Variants in PARD3B observed in about 807,000 individuals in gnomAD.
PARD3B encodes the protein partitioning defective 3 homolog B.
Under a neutral mutation model 130.2 loss-of-function variants are expected in PARD3B, and 103 were observed. The ratio of observed to expected loss-of-function variants is 0.79; its 90% CI spans 0.67 to 0.93. The LOEUF is 0.93. PARD3B is among the 40% of genes least tolerant of loss of function. PARD3B has a pLI of 0.00. For missense variants in PARD3B, 1,609 were observed against 1,499.2 expected, an observed-to-expected ratio of 1.07 and a Z score of -1.21; for synonymous variants, 583 against 553.2, an observed-to-expected ratio of 1.05 and a Z score of -0.76.
At chr2:205,381,201 TA>T (rs1559036154) in intron 18 of PARD3B, among the ~76,000 whole-genome samples, 2 of 120,682 alleles carry the variant, frequency 1.7e-5, no homozygotes, top group African/African-American at 7.2e-5. Flanking sequence ...ATATTATATA[TA>T]ATATATAAAG....
At position 204,907,645 on chromosome 2, in the gene PARD3B, G is replaced by A. The variant is rs1488796591; in HGVS notation, c.223-57507G>A. On this transcript the variant is annotated intron_variant, in intron 2 of 22. Coordinates refer to ENST00000406610, the MANE Select transcript of PARD3B (RefSeq NM_001302769.2). This position sits in a 1 kb window ranked among gnomAD's most constrained non-coding sequence, Gnocchi z 5.7. ...TTGTGTCTCTTTATAGATATTATAAGACTTTCTTGACATGTTACTTCATGG... is the reference window on the plus strand; with the variant it reads ...TTGTGTCTCTTTATAGATATTATAAAACTTTCTTGACATGTTACTTCATGG... Among the ~76,000 whole-genome samples, 2 of 152,062 alleles carry A rather than the reference G, an allele frequency of 1.3e-5. No homozygotes were observed. The highest frequency in any genetic ancestry group is 2.9e-5 in the Non-Finnish European group (2 of 68,000).
chr2:204,691,002 A>G (rs11891335), intron 2 of PARD3B, among the ~76,000 whole-genome samples: 5,740 of 152,166 alleles, frequency 0.038, 380 homozygotes, highest in African/African-American at 0.13. Context: ...TATCGTCTAT[A>G]GTGTAGAAAT....
chr2:205,368,705 C>T (rs1002946707), intron 18 of PARD3B, among the ~76,000 whole-genome samples: 4 of 152,116 alleles, frequency 2.6e-5, no homozygotes, highest in South Asian at 2.1e-4. Context: ...ACAAAACTAA[C>T]GTTATCATTG....
intron 3 of PARD3B, among the ~76,000 whole-genome samples, chr2:205,039,394 G>C (rs1404530026): frequency 6.6e-6 from 1 of 152,114 alleles, no homozygotes; most frequent in East Asian, 1.9e-4. Flanking sequence ...CAGGTACTCA[G>C]CTTCCACCAT....
intron 1 of PARD3B, among the ~76,000 whole-genome samples, chr2:204,578,579 G>C (rs2032386512): frequency 6.6e-6 from 1 of 152,184 alleles, no homozygotes; most frequent in Non-Finnish European, 1.5e-5. Flanking sequence ...CTTGTCTCAT[G>C]AGAAAGATGT....
chr2:205,368,846 G>C (rs1467560912), intron 18 of PARD3B, among the ~76,000 whole-genome samples: 1 of 120,488 alleles, frequency 8.3e-6, no homozygotes, highest in African/African-American at 2.8e-5. Flanking sequence ...TCAATTCAGG[G>C]GAGCTTGGGA....
chr2:204,767,245 C>T (rs2041207754), intron 2 of PARD3B, among the ~76,000 whole-genome samples: 1 of 43,844 alleles, frequency 2.3e-5, no homozygotes, highest in East Asian at 6.2e-4. Context: ...TGAGAATATG[C>T]GGTGTTTGGT....
intron 4 of PARD3B, among the ~76,000 whole-genome samples, chr2:205,054,241 C>T (rs1699433775): frequency 6.6e-6 from 1 of 151,260 alleles, no homozygotes; most frequent in Admixed American, 6.6e-5. Context: ...GCCTGAATGT[C>T]TGTACCATGA....
intron 1 of PARD3B, among the ~76,000 whole-genome samples, chr2:204,586,497 G>A (rs571683850): frequency 2.6e-5 from 4 of 152,356 alleles, no homozygotes; most frequent in African/African-American, 9.6e-5. Context: ...CAAGGGAGTT[G>A]TGGAGGCAGG....
At chr2:205,073,555 G>A (rs1347920777) in intron 4 of PARD3B, among the ~76,000 whole-genome samples, 5 of 152,194 alleles carry the variant, frequency 3.3e-5, no homozygotes, top group African/African-American at 2.4e-5. Flanking sequence ...TTGAGTTAGT[G>A]TATATGTGGT....
At chr2:204,945,509 A>G (rs940962678) in intron 2 of PARD3B, among the ~76,000 whole-genome samples, 1 of 152,194 alleles carries the variant, frequency 6.6e-6, no homozygotes, top group Non-Finnish European at 1.5e-5. Context: ...CAGTCTTGTG[A>G]AAAGGGCTAT....
intron 2 of PARD3B, among the ~76,000 whole-genome samples, chr2:204,935,684 T>C (rs1660321960): frequency 6.6e-6 from 1 of 152,160 alleles, no homozygotes; most frequent in Admixed American, 6.5e-5. Context: ...CATGTGTAAC[T>C]GATACATATT....
At chr2:204,901,067 G>T (rs909639968) in intron 2 of PARD3B, among the ~76,000 whole-genome samples, 1 of 152,022 alleles carries the variant, frequency 6.6e-6, no homozygotes. Flanking sequence ...CTGGGACTGC[G>T]CTGGGTCTTG....
intron 20 of PARD3B, among the ~76,000 whole-genome samples, chr2:205,478,150 T>C (rs1024031911): frequency 6.6e-6 from 1 of 152,198 alleles, no homozygotes; most frequent in African/African-American, 2.4e-5. Context: ...GAATGGTGTC[T>C]ATGGCTACCT....
intron 1 of PARD3B, among the ~76,000 whole-genome samples, chr2:204,598,107 T>C (rs2033370537): frequency 6.6e-6 from 1 of 152,128 alleles, no homozygotes; most frequent in Non-Finnish European, 1.5e-5. Context: ...ATTGTGACCT[T>C]CTGCTTTTGT....
intron 2 of PARD3B, among the ~76,000 whole-genome samples, chr2:204,740,785 T>C (rs924736053): frequency 3.9e-5 from 6 of 152,184 alleles, no homozygotes; most frequent in African/African-American, 1.2e-4. Flanking sequence ...ACATGACAGC[T>C]CTAGGCTCCC....
At chr2:204,643,818 A>C (rs2035178589) in intron 1 of PARD3B, among the ~76,000 whole-genome samples, 1 of 152,138 alleles carries the variant, frequency 6.6e-6, no homozygotes, top group African/African-American at 2.4e-5. Flanking sequence ...TCTCCAGAAA[A>C]AGTTCATATA....
chr2:204,731,485 A>G (rs1410485702), intron 2 of PARD3B, among the ~76,000 whole-genome samples: 1 of 152,182 alleles, frequency 6.6e-6, no homozygotes, highest in Non-Finnish European at 1.5e-5. Context: ...ATTAAGTTTT[A>G]ATTTTTCCCC....
chr2:205,360,148 A>G (rs1048307964), intron 18 of PARD3B, among the ~76,000 whole-genome samples: 1 of 152,110 alleles, frequency 6.6e-6, no homozygotes, highest in Admixed American at 6.5e-5. Flanking sequence ...AATTTCTCTC[A>G]TTGCTAATGA....
Sources: allele counts gnomAD v4.1 joint callset (sites outside exome capture counted in the v4.1 genomes callset), GRCh38; gene constraint gnomAD v4.1.1; non-coding constraint Gnocchi (gnomAD v3.1); transcripts MANE v1.5; gene names NCBI Gene and HGNC (gene_info 2026-07-23, HGNC 2026-07-21).